Variants in MRM1 observed in about 807,000 individuals in gnomAD.
MRM1 encodes mitochondrial rRNA methyltransferase 1.
Under a neutral mutation model 25.0 loss-of-function variants are expected in MRM1, and 24 were observed. That is an observed-to-expected ratio of 0.96 (90% CI 0.69 to 1.35). MRM1 has a LOEUF of 1.35. Among genes scored for constraint, MRM1 ranks in the 40% most tolerant of loss-of-function variants. MRM1 has a pLI of 0.00. For missense variants in MRM1, 431 were observed against 464.1 expected (o/e 0.93, Z 0.65); for synonymous variants, 188 against 199.2 (o/e 0.94, Z 0.47).
rs180680000 is a variant in MRM1 at position 36,607,830 on chromosome 17, C to A, written c.769+28C>A. 2.9e-5 allele frequency: 46 copies of A among 1,612,356 alleles called. No individual in the cohort carries two copies. In the Admixed American group the frequency reaches 5.7e-4, roughly 20 times the overall value. Reference sequence around the variant, plus strand: ...AGGTGGATGTCCCTGCGTTTGTGCCCAGATTACATTTCCCGAGCAACTGGG... The same window carrying A: ...AGGTGGATGTCCCTGCGTTTGTGCCAAGATTACATTTCCCGAGCAACTGGG... On this transcript the variant is annotated intron_variant, in intron 3 of 4. Coordinates refer to ENST00000614766, the MANE Select transcript of MRM1 (RefSeq NM_024864.5).
intron 2 of MRM1, chr17:36,603,054 A>C (rs2074894870): frequency 3.0e-6 from 3 of 985,456 alleles, no homozygotes; most frequent in Non-Finnish European, 3.6e-6. Flanking sequence ...ATTAGTATCT[A>C]GCAAGAGACA....
At chr17:36,617,443 A>T in the MRM1 span, among the ~76,000 whole-genome samples, 9 of 139,106 alleles carry the variant, frequency 6.5e-5, no homozygotes, top group East Asian at 1.1e-3. Context: ...CCCAGGCTGG[A>T]GTGCGGTGTC....
chr17:36,632,903 A>G, the MRM1 span, among the ~76,000 whole-genome samples: 7 of 152,268 alleles, frequency 4.6e-5, no homozygotes, highest in African/African-American at 9.6e-5. Context: ...TTCAGTGAGA[A>G]AGCTGGGCAC....
the MRM1 span, among the ~76,000 whole-genome samples, chr17:36,631,668 T>G: frequency 6.6e-6 from 1 of 152,184 alleles, no homozygotes; most frequent in South Asian, 2.1e-4. Flanking sequence ...TGGATGGATA[T>G]ATGGTATCCT....
At chr17:36,631,955 C>G in the MRM1 span, among the ~76,000 whole-genome samples, 4 of 152,188 alleles carry the variant, frequency 2.6e-5, no homozygotes, top group Non-Finnish European at 5.9e-5. Flanking sequence ...GACCCCTTTC[C>G]TGTTAGTCTT....
the MRM1 span, among the ~76,000 whole-genome samples, chr17:36,631,312 T>C: frequency 4.6e-5 from 7 of 152,200 alleles, no homozygotes; most frequent in Non-Finnish European, 8.8e-5. Flanking sequence ...GCACAGGGGA[T>C]CTGTAAACTA....
chr17:36,606,808 A>T (rs1165367286), intron 2 of MRM1, among the ~76,000 whole-genome samples: 7 of 151,284 alleles, frequency 4.6e-5, no homozygotes, highest in Admixed American at 1.3e-4. Flanking sequence ...ACGGAGTTTC[A>T]CCATGTTAGC....
intron 2 of MRM1, among the ~76,000 whole-genome samples, chr17:36,606,923 T>A (rs1405098617): frequency 1.3e-5 from 2 of 149,096 alleles, no homozygotes; most frequent in African/African-American, 5.0e-5. Flanking sequence ...TTGTTTTTTT[T>A]TTTAATTTGA....
intron 2 of MRM1, among the ~76,000 whole-genome samples, chr17:36,605,208 C>A (rs1251756590): frequency 6.6e-6 from 1 of 151,718 alleles, no homozygotes; most frequent in Non-Finnish European, 1.5e-5. Context: ...AGCCTGGAGT[C>A]CAGTGGCACA....
chr17:36,626,079 T>C, the MRM1 span, among the ~76,000 whole-genome samples: 1 of 150,360 alleles, frequency 6.7e-6, no homozygotes, highest in Non-Finnish European at 1.5e-5. Context: ...CGACAGACAC[T>C]GCGGGCACAA....
chr17:36,612,255 C>G (rs1180803927), downstream of MRM1, among the ~76,000 whole-genome samples: 1 of 152,230 alleles, frequency 6.6e-6, no homozygotes, highest in African/African-American at 2.4e-5. Flanking sequence ...GGGCTTCTCC[C>G]TGCTTCACTC....
chr17:36,629,275 G>T, the MRM1 span, among the ~76,000 whole-genome samples: 1 of 152,080 alleles, frequency 6.6e-6, no homozygotes, highest in South Asian at 2.1e-4. Context: ...TGGATTCTAG[G>T]GTCTCTCCCA....
At chr17:36,632,628 A>G in the MRM1 span, among the ~76,000 whole-genome samples, 152 of 152,278 alleles carry the variant, frequency 1.0e-3, no homozygotes, top group East Asian at 0.014. Context: ...CCCCACCCCA[A>G]TTCTTTCTCA....
Position 36,601,853 on chromosome 17 carries a change from C to T in MRM1, c.43C>T (p.Leu15Phe), listed in dbSNP as rs2074871209. 6.3e-7 allele frequency: 1 copy of T among 1,595,660 alleles called. No homozygotes were observed. Among genetic ancestry groups the T allele is most frequent in the Non-Finnish European group, 8.5e-7 (1 of 1,172,824 alleles). ...CGTCCGGGGCGCGACCTGGGGTCGC[C>T]TCGTCACCCGTCATTTCTCCCATGC... is the stretch of plus-strand genomic sequence containing the variant. ...STVRGATWGRLVTRHFSHAAR... is the reference protein window; with the variant it reads ...STVRGATWGRFVTRHFSHAAR... Residue 15 changes from leucine (L) to phenylalanine (F), a missense_variant, in exon 1 of 5, where the codon CTC (leucine) becomes TTC (phenylalanine). By Grantham distance (22) the Leu-to-Phe change is conservative (BLOSUM62 0). Transcript: ENST00000614766.
chr17:36,615,609 A>G, the MRM1 span, among the ~76,000 whole-genome samples: 1,124 of 151,638 alleles, frequency 7.4e-3, 11 homozygotes, highest in Non-Finnish European at 0.012. Context: ...CGGTGAGCTG[A>G]GATCGCGCTA....
At chr17:36,620,333 C>A in the MRM1 span, among the ~76,000 whole-genome samples, 2 of 152,130 alleles carry the variant, frequency 1.3e-5, no homozygotes, top group Non-Finnish European at 2.9e-5. Context: ...GGGACTATTG[C>A]AACAGTTGAG....
At position 36,602,075 on chromosome 17, in the gene MRM1, C is replaced by T; in HGVS notation, c.265C>T (p.Leu89Phe). 6.2e-7 allele frequency: 1 copy of T among 1,610,532 alleles called. No homozygotes were observed. Among genetic ancestry groups the T allele is most frequent in the South Asian group, 1.1e-5 (1 of 91,074 alleles). ...GCTGCAGGGGAAGCGGGCCGAGCTGCTCCGGATGGCCGAGGCGCGGGACAT... is the reference window on the plus strand; with the variant it reads ...GCTGCAGGGGAAGCGGGCCGAGCTGTTCCGGATGGCCGAGGCGCGGGACAT... Reference protein sequence around the residue: ...AGLQGKRAELLRMAEARDIPV... With the variant: ...AGLQGKRAELFRMAEARDIPV... Residue 89 changes from leucine (L) to phenylalanine (F), a missense_variant, in exon 1 of 5, where the codon CTC becomes TTC. Coordinates refer to ENST00000614766, the MANE Select transcript of MRM1 (RefSeq NM_024864.5). The surrounding 1 kb of genome is among the most constrained non-coding windows in gnomAD (Gnocchi z 4.1).
At chr17:36,623,961 C>T in the MRM1 span, among the ~76,000 whole-genome samples, 8 of 152,198 alleles carry the variant, frequency 5.3e-5, no homozygotes, top group Non-Finnish European at 1.0e-4. Context: ...TGGGCACTTC[C>T]GTCCCTCTCC....
At chr17:36,631,492 A>C in the MRM1 span, among the ~76,000 whole-genome samples, 1 of 152,236 alleles carries the variant, frequency 6.6e-6, no homozygotes, top group East Asian at 1.9e-4. Flanking sequence ...TGGGCAAGTC[A>C]CTAAGACCTC....
Sources: gnomAD v4.1 joint callset for allele counts (sites outside exome capture counted in the v4.1 genomes callset) on GRCh38, gnomAD v4.1.1 for gene constraint, Gnocchi (gnomAD v3.1) non-coding constraint, MANE v1.5 for transcripts, NCBI Gene and HGNC (gene_info 2026-07-23, HGNC 2026-07-21) for gene names.